Variants in WWOX observed in about 807,000 individuals in gnomAD.
WWOX encodes WW domain containing oxidoreductase.
WWOX carries 69 observed loss-of-function variants against 46.2 expected under a neutral mutation model. That is an observed-to-expected ratio of 1.49 (90% CI 1.23 to 1.82). The LOEUF (loss-of-function observed/expected upper bound fraction) is 1.82. Ranked by LOEUF, WWOX falls within the 40% of genes most tolerant of loss-of-function variation. WWOX has a pLI of 0.00. For missense variants in WWOX, 919 were observed against 542.6 expected (o/e 1.69, Z -6.89); for synonymous variants, 359 against 202.6 (o/e 1.77, Z -6.56).
chr16:78,611,060 T>A (rs534868010), intron 8 of WWOX, among the ~76,000 whole-genome samples: 1 of 152,290 alleles, frequency 6.6e-6, no homozygotes, highest in South Asian at 2.1e-4. Flanking sequence ...GTTGTTTAAT[T>A]GAGTTTAACA....
At chr16:78,881,492 T>C (rs2044342610) in intron 8 of WWOX, among the ~76,000 whole-genome samples, 1 of 152,192 alleles carries the variant, frequency 6.6e-6, no homozygotes, top group South Asian at 2.1e-4. Flanking sequence ...GAAAATTAAA[T>C]ATTCAACAAA....
chr16:78,224,678 G>C (rs897217176), intron 5 of WWOX, among the ~76,000 whole-genome samples: 1 of 152,162 alleles, frequency 6.6e-6, no homozygotes, highest in Non-Finnish European at 1.5e-5. Context: ...GCTTGGAAGT[G>C]CTGGTTCCAA....
rs768403821 is a variant in WWOX, at chr16:79,211,714, C to T, written c.1163C>T (p.Ala388Val). Residue 388 changes from alanine to valine, a missense_variant, in exon 9 of 9, where the codon GCT (alanine) becomes GTT (valine). Ala to Val is a moderately conservative substitution (Grantham distance 64, BLOSUM62 0). Coordinates refer to ENST00000566780, the MANE Select transcript of WWOX (RefSeq NM_016373.4). Reference sequence around the variant, plus strand: ...TGCCGCTGCATGCCCTCACCAGAAGCTCAGAGCGAAGAGACGGCCCGGACC... The same window carrying T: ...TGCCGCTGCATGCCCTCACCAGAAGTTCAGAGCGAAGAGACGGCCCGGACC... Reference protein sequence around the residue: ...NCCRCMPSPEAQSEETARTLW... With the variant: ...NCCRCMPSPEVQSEETARTLW... 9 of 1,614,108 alleles carry T rather than the reference C, an allele frequency of 5.6e-6. No homozygotes were observed. The highest frequency in any genetic ancestry group is 4.4e-5 in the South Asian group (4 of 91,092).
intron 8 of WWOX, among the ~76,000 whole-genome samples, chr16:79,047,894 C>T (rs990198798): frequency 1.4e-5 from 2 of 145,160 alleles, no homozygotes; most frequent in African/African-American, 5.7e-5. Context: ...GATTCACAGA[C>T]TCTGCATTTT....
At chr16:78,353,538 C>T (rs910931229) in intron 5 of WWOX, among the ~76,000 whole-genome samples, 7 of 152,190 alleles carry the variant, frequency 4.6e-5, no homozygotes, top group South Asian at 2.1e-4. Context: ...GATTAGCAAG[C>T]CAAAGACTTT....
chr16:78,342,698 A>G (rs1217465288), intron 5 of WWOX, among the ~76,000 whole-genome samples: 2 of 120,394 alleles, frequency 1.7e-5, no homozygotes, highest in African/African-American at 5.6e-5. Context: ...TTTCCACCAT[A>G]TGCATAGACA....
At chr16:79,018,471 C>T (rs1247156753) in intron 8 of WWOX, among the ~76,000 whole-genome samples, 2 of 152,090 alleles carry the variant, frequency 1.3e-5, no homozygotes, top group Non-Finnish European at 2.9e-5. Flanking sequence ...GAGAAATTGC[C>T]ACTTGGTCTG....
chr16:78,787,271 A>C (rs2050480880), intron 8 of WWOX, among the ~76,000 whole-genome samples: 2 of 152,200 alleles, frequency 1.3e-5, no homozygotes, highest in African/African-American at 4.8e-5. Context: ...ATTTCAGAAC[A>C]TTTTTACCAT....
intron 8 of WWOX, among the ~76,000 whole-genome samples, chr16:79,043,259 G>A (rs1271607613): frequency 6.6e-6 from 1 of 152,114 alleles, no homozygotes. Flanking sequence ...ACTTTACAAT[G>A]AACTTCGTGA....
At chr16:79,013,647 G>A (rs914839255) in intron 8 of WWOX, among the ~76,000 whole-genome samples, 45 of 152,206 alleles carry the variant, frequency 3.0e-4, no homozygotes, top group African/African-American at 9.6e-4. Flanking sequence ...GGGTCTCCTC[G>A]GAGGTCGGTT....
intron 8 of WWOX, among the ~76,000 whole-genome samples, chr16:78,978,850 A>G (rs2046624097): frequency 6.6e-6 from 1 of 152,108 alleles, no homozygotes; most frequent in Admixed American, 6.5e-5. Flanking sequence ...CCCACCTCCA[A>G]CACTGGGGAT....
intron 8 of WWOX, among the ~76,000 whole-genome samples, chr16:78,949,633 C>G (rs933165497): frequency 1.3e-5 from 2 of 152,230 alleles, no homozygotes; most frequent in Admixed American, 6.5e-5. Context: ...TTTTAATCCA[C>G]CTCTCCAAGG....
At chr16:78,768,911 G>T (rs750775402) in intron 8 of WWOX, among the ~76,000 whole-genome samples, 7 of 152,146 alleles carry the variant, frequency 4.6e-5, no homozygotes, top group African/African-American at 1.4e-4. Context: ...CTGACGCTGC[G>T]CCATGGTGTA....
chr16:78,417,563 A>G (rs75089124), intron 6 of WWOX, among the ~76,000 whole-genome samples: 194 of 152,372 alleles, frequency 1.3e-3, no homozygotes, highest in African/African-American at 4.5e-3. Context: ...AAAATATTTC[A>G]GATGCAACCT....
intron 4 of WWOX, among the ~76,000 whole-genome samples, chr16:78,131,875 C>T (rs553130435): frequency 2.5e-4 from 38 of 151,718 alleles, no homozygotes; most frequent in East Asian, 9.7e-4. Context: ...TGAGCCACCG[C>T]GCCTGGCAAG....
intron 5 of WWOX, among the ~76,000 whole-genome samples, chr16:78,239,902 C>T (rs543734407): frequency 3.3e-5 from 5 of 152,208 alleles, no homozygotes; most frequent in Non-Finnish European, 5.9e-5. Context: ...GGACCAGGCA[C>T]CTGTCTTTAT....
At chr16:78,370,130 C>CAAAA (rs749015478) in intron 5 of WWOX, among the ~76,000 whole-genome samples, 2,981 of 73,930 alleles carry the variant, frequency 0.04, 98 homozygotes, top group Middle Eastern at 0.071. Flanking sequence ...AGACTGTCTC[C>CAAAA]AAAAAAAAAA....
At chr16:78,675,585 G>A (rs537616140) in intron 8 of WWOX, among the ~76,000 whole-genome samples, 2 of 152,290 alleles carry the variant, frequency 1.3e-5, no homozygotes, top group East Asian at 1.9e-4. Context: ...CCACAGAGCA[G>A]TGAAAAGACT....
chr16:79,084,416 A>C (rs1204347472), intron 8 of WWOX, among the ~76,000 whole-genome samples: 1 of 152,198 alleles, frequency 6.6e-6, no homozygotes, highest in Non-Finnish European at 1.5e-5. Context: ...ATAACAGCTT[A>C]TGACAAGTAA....
Sources: allele counts gnomAD v4.1 joint callset (sites outside exome capture counted in the v4.1 genomes callset), GRCh38; gene constraint gnomAD v4.1.1; transcripts MANE v1.5; gene names NCBI Gene and HGNC (gene_info 2026-07-23, HGNC 2026-07-21).